Variants in DLGAP4 observed in about 807,000 individuals in gnomAD.
DLGAP4 encodes DLG associated protein 4.
A neutral mutation model predicts 86.9 loss-of-function variants in DLGAP4; 18 were observed. The observed-to-expected ratio is 0.21, with a 90% confidence interval of 0.14 to 0.31. The LOEUF is 0.31. DLGAP4 is among the 10% of genes least tolerant of loss of function. The pLI, the probability that DLGAP4 is intolerant of heterozygous loss-of-function variation, is 1.00. For missense variants in DLGAP4, 1,085 were observed against 1,362.6 expected, an observed-to-expected ratio of 0.80 and a Z score of 3.21; for synonymous variants, 548 against 574.3, an observed-to-expected ratio of 0.95 and a Z score of 0.65.
At position 36,324,295 on chromosome 20, in the gene DLGAP4, C is replaced by T. The variant is rs550809163; in HGVS notation, c.-304+17783C>T. On this transcript the variant is annotated intron_variant, in intron 1 of 12. Coordinates refer to ENST00000339266, the MANE Select transcript of DLGAP4 (RefSeq NM_001365621.2). The stretch of plus-strand genomic sequence containing the variant: ...TACAAAAATTAGCTGGGTGTGGTGG[C>T]GGGCACCTGTAGTCCCAGCTACTAG... 5.9e-5 allele frequency among the ~76,000 whole-genome samples: 9 copies of T among 151,998 alleles called. No homozygotes were observed. The South Asian group carries it at 1.0e-3, about 18-fold the overall frequency.
intron 2 of DLGAP4, among the ~76,000 whole-genome samples, chr20:36,412,290 G>T (rs1415596212): frequency 6.6e-6 from 1 of 152,256 alleles, no homozygotes; most frequent in African/African-American, 2.4e-5. Flanking sequence ...GAGCTCTGAG[G>T]CTAGAGGGCA....
intron 2 of DLGAP4, among the ~76,000 whole-genome samples, chr20:36,392,147 T>C (rs1354992178): frequency 6.6e-6 from 1 of 152,152 alleles, no homozygotes; most frequent in East Asian, 1.9e-4. Context: ...GGGCAGGAGC[T>C]GTTGGAGCAA....
At chr20:36,411,863 C>T (rs984470395) in intron 2 of DLGAP4, among the ~76,000 whole-genome samples, 1 of 152,216 alleles carries the variant, frequency 6.6e-6, no homozygotes, top group Admixed American at 6.5e-5. Context: ...TTATGAAACG[C>T]TCTTCCCTGT....
intron 1 of DLGAP4, among the ~76,000 whole-genome samples, chr20:36,326,939 C>A (rs2065220652): frequency 6.6e-6 from 1 of 150,642 alleles, no homozygotes; most frequent in African/African-American, 2.4e-5. Flanking sequence ...TAATGTGTAT[C>A]CTTGTTACCA....
In DLGAP4 at chr20:36,318,961, A is replaced by AT. The variant is rs2065139133; in HGVS notation, c.-304+12449_-304+12450insT. 3.9e-5 allele frequency among the ~76,000 whole-genome samples: 6 copies of AT among 152,108 alleles called. 1 individual carries two copies. The South Asian group carries it at 1.2e-3, about 32-fold the overall frequency. ...GAGATGGAGACCATCCTGACCAACG[A>AT]GGTGAAACCCTGTCTCTACTAAAAA... On this transcript the variant is annotated intron_variant, in intron 1 of 12. Transcript: ENST00000339266.
intron 2 of DLGAP4, among the ~76,000 whole-genome samples, chr20:36,426,837 T>C (rs1226445067): frequency 6.6e-6 from 1 of 151,728 alleles, no homozygotes; most frequent in Non-Finnish European, 1.5e-5. Context: ...AAGGGGAAAA[T>C]AGGGAATGAC....
intron 4 of DLGAP4, 22 bp downstream of exon 4, chr20:36,436,372 T>G: frequency 6.4e-7 from 1 of 1,573,304 alleles, no homozygotes; most frequent in South Asian, 1.2e-5. Flanking sequence ...GCTCCACCCT[T>G]ACGGTCCCGC....
intron 5 of DLGAP4, among the ~76,000 whole-genome samples, chr20:36,441,791 G>A (rs1411339589): frequency 1.3e-5 from 2 of 151,788 alleles, no homozygotes; most frequent in Non-Finnish European, 2.9e-5. Flanking sequence ...TCTCTCCAGC[G>A]TGTCTCCATC....
intron 1 of DLGAP4, among the ~76,000 whole-genome samples, chr20:36,337,709 A>G (rs560618815): frequency 9.9e-5 from 15 of 152,188 alleles, no homozygotes; most frequent in Non-Finnish European, 1.9e-4. Flanking sequence ...TTTCAAGCCC[A>G]GACTTCCCCA....
chr20:36,512,931 C>CCTTT (rs2036795196), intron 10 of DLGAP4, among the ~76,000 whole-genome samples: 4 of 23,532 alleles, frequency 1.7e-4, no homozygotes, highest in Non-Finnish European at 2.7e-4. Context: ...CTCAGAGGCC[C>CCTTT]TTTTTTTTTT....
chr20:36,446,272 T>C (rs1399134777), intron 6 of DLGAP4, among the ~76,000 whole-genome samples: 3 of 152,154 alleles, frequency 2.0e-5, no homozygotes, highest in African/African-American at 7.2e-5. Flanking sequence ...CTTGGTTTCT[T>C]TCCTTGTAAA....
chr20:36,315,347 G>C (rs2065088897), intron 1 of DLGAP4, among the ~76,000 whole-genome samples: 1 of 151,974 alleles, frequency 6.6e-6, no homozygotes, highest in African/African-American at 2.4e-5. Context: ...GGAGGGGTGT[G>C]GTGCGGTGCG....
intron 11 of DLGAP4, among the ~76,000 whole-genome samples, chr20:36,525,253 A>AAAAAAAAAC (rs2037666042): frequency 1.7e-5 from 1 of 59,466 alleles, no homozygotes; most frequent in Admixed American, 2.0e-4. Flanking sequence ...AAAAAAAAAA[A>AAAAAAAAAC]ACAAAGAAAT....
chr20:36,408,153 G>GT (rs1425447458), intron 2 of DLGAP4, among the ~76,000 whole-genome samples: 1 of 151,910 alleles, frequency 6.6e-6, no homozygotes, highest in African/African-American at 2.4e-5. Context: ...CTTTATCTTA[G>GT]TTTGAGTTTT....
intron 7 of DLGAP4, among the ~76,000 whole-genome samples, chr20:36,463,366 G>A (rs192592789): frequency 4.9e-4 from 74 of 152,328 alleles, no homozygotes; most frequent in African/African-American, 1.7e-3. Flanking sequence ...CTGTCAGCCT[G>A]TCTTTAAACA....
At chr20:36,415,611 C>T (rs1270949932) in intron 2 of DLGAP4, among the ~76,000 whole-genome samples, 1 of 152,196 alleles carries the variant, frequency 6.6e-6, no homozygotes, top group East Asian at 1.9e-4. Context: ...CCCAACAACC[C>T]TTTGAGGACA....
chr20:36,317,611 G>A (rs2065122371), intron 1 of DLGAP4, among the ~76,000 whole-genome samples: 1 of 98,746 alleles, frequency 1.0e-5, no homozygotes, highest in African/African-American at 3.1e-5. Flanking sequence ...ACATCACCAT[G>A]CCCAGCTAAT....
At chr20:36,375,067 A>G (rs945526774) in intron 2 of DLGAP4, among the ~76,000 whole-genome samples, 4 of 152,354 alleles carry the variant, frequency 2.6e-5, no homozygotes, top group African/African-American at 7.2e-5. Context: ...TGCATTTTAC[A>G]CAGAAGGAAA....
intron 7 of DLGAP4, among the ~76,000 whole-genome samples, chr20:36,481,831 C>T (rs2035199438): frequency 6.6e-6 from 1 of 152,196 alleles, no homozygotes; most frequent in South Asian, 2.1e-4. Flanking sequence ...GGGGACTGCG[C>T]CCTCTCTGGT....
Sources: gnomAD v4.1 joint callset for allele counts (sites outside exome capture counted in the v4.1 genomes callset) on GRCh38, gnomAD v4.1.1 for gene constraint, MANE v1.5 for transcripts, NCBI Gene and HGNC (gene_info 2026-07-23, HGNC 2026-07-21) for gene names.